The following PLXNA2 variants were observed in gnomAD, a reference collection of about 807,000 sequenced individuals.
PLXNA2 encodes plexin A2, also known as plexin-A2.
In PLXNA2, 91 loss-of-function variants were observed where a neutral mutation model predicts 193.5. The observed-to-expected ratio is 0.47, with a 90% CI of 0.40 to 0.56. The LOEUF is 0.56. Among genes scored for constraint, PLXNA2 ranks in the 20% least tolerant of loss-of-function variants. The pLI is 0.00. For synonymous variants in PLXNA2, 997 were observed against 1,027.3 expected (o/e 0.97, Z 0.56); for missense variants, 1,995 against 2,503.2 (o/e 0.80, Z 4.33).
At chr1:208,086,979 C>G (rs2498027) in intron 9 of PLXNA2, among the ~76,000 whole-genome samples, 13,447 of 65,090 alleles carry the variant, frequency 0.21, 691 homozygotes, top group Middle Eastern at 0.33. Flanking sequence ...CTCTCTCTCT[C>G]TGTGTGTGTG....
At chr1:208,094,035 C>G (rs1047560898) in intron 8 of PLXNA2, among the ~76,000 whole-genome samples, 1 of 152,174 alleles carries the variant, frequency 6.6e-6, no homozygotes, top group Admixed American at 6.5e-5. Context: ...GGTTGGTTAG[C>G]CCATTTACAC....
intron 4 of PLXNA2, among the ~76,000 whole-genome samples, chr1:208,111,069 A>T (rs1667457870): frequency 2.6e-5 from 4 of 151,930 alleles, no homozygotes; most frequent in Admixed American, 2.0e-4. Flanking sequence ...ATTTTTTTTT[A>T]AACGACAGTC....
chr1:208,193,850 T>C (rs903420492), intron 3 of PLXNA2, among the ~76,000 whole-genome samples: 19 of 145,856 alleles, frequency 1.3e-4, no homozygotes, highest in African/African-American at 4.7e-4. Flanking sequence ...CTATGTATGA[T>C]TGCACAACTG....
At chr1:208,241,547 G>T (rs949409493) in intron 1 of PLXNA2, among the ~76,000 whole-genome samples, 1 of 152,234 alleles carries the variant, frequency 6.6e-6, no homozygotes, top group African/African-American at 2.4e-5. Context: ...GACCAGCTGG[G>T]ATTTCCTTGG....
intron 3 of PLXNA2, among the ~76,000 whole-genome samples, chr1:208,204,792 C>T (rs1167419896): frequency 6.6e-6 from 1 of 152,176 alleles, no homozygotes; most frequent in East Asian, 1.9e-4. Flanking sequence ...ACCTTAACAG[C>T]TGCTCCCTTG....
chr1:208,233,686 C>G (rs564188642), intron 1 of PLXNA2, among the ~76,000 whole-genome samples: 2 of 152,252 alleles, frequency 1.3e-5, no homozygotes, highest in Non-Finnish European at 2.9e-5. Context: ...CTCTGCGCCT[C>G]CCAGCCAGCA....
intron 1 of PLXNA2, among the ~76,000 whole-genome samples, chr1:208,222,227 C>T: frequency 6.6e-6 from 1 of 152,164 alleles, no homozygotes; most frequent in Non-Finnish European, 1.5e-5. Context: ...TAGTGTCAAC[C>T]TCAGGAGTTT....
intron 4 of PLXNA2, among the ~76,000 whole-genome samples, chr1:208,134,952 A>G (rs904083852): frequency 6.6e-6 from 1 of 152,166 alleles, no homozygotes; most frequent in Non-Finnish European, 1.5e-5. Context: ...CCCATGTATC[A>G]CAATAGCACC....
intron 3 of PLXNA2, among the ~76,000 whole-genome samples, chr1:208,179,186 C>T (rs1000682181): frequency 6.6e-6 from 1 of 152,194 alleles, no homozygotes; most frequent in South Asian, 2.1e-4. Flanking sequence ...AACATGAAAG[C>T]CCAGAGGAAG....
At position 208,079,260 on chromosome 1, in the gene PLXNA2, C is replaced by G; in HGVS notation, c.2586G>C (p.Glu862Asp). 1.2e-6 allele frequency: 2 copies of G among 1,601,744 alleles called. No homozygotes were observed. Among genetic ancestry groups the G allele is most frequent in the Non-Finnish European group, 1.7e-6 (2 of 1,169,572 alleles). The change falls in exon 12 of 32, where the codon GAG becomes GAC. Residue 862 changes from glutamate to aspartate, a missense_variant and splice_region_variant. Glu to Asp is a conservative substitution (Grantham distance 45). Transcript: ENST00000367033. ...TGCTCTAGAGACTTGCAGGACTTACCTCGGTGATTTGAGGGTTGGAGCACT... is the reference window on the plus strand; with the variant it reads ...TGCTCTAGAGACTTGCAGGACTTACGTCGGTGATTTGAGGGTTGGAGCACT... ...NVKCSNPQIT[E>D]ILTVSGPPEG...
intron 4 of PLXNA2, among the ~76,000 whole-genome samples, chr1:208,131,184 C>T (rs1037259265): frequency 3.9e-5 from 6 of 152,184 alleles, no homozygotes; most frequent in African/African-American, 7.2e-5. Context: ...CTTCCAATTG[C>T]GCTTGTCTCC....
At chr1:208,089,636 C>G (rs377138957) in intron 9 of PLXNA2, among the ~76,000 whole-genome samples, 1 of 152,120 alleles carries the variant, frequency 6.6e-6, no homozygotes, top group East Asian at 1.9e-4. Flanking sequence ...TTGAGAACTC[C>G]TGGCACATGT....
chr1:208,206,525 G>T (rs566347297), intron 3 of PLXNA2, among the ~76,000 whole-genome samples: 1 of 152,252 alleles, frequency 6.6e-6, no homozygotes, highest in East Asian at 1.9e-4. Flanking sequence ...TACCTTCTCA[G>T]TGTGGCACCC....
intron 3 of PLXNA2, among the ~76,000 whole-genome samples, chr1:208,199,096 C>T (rs533517181): frequency 3.3e-5 from 5 of 152,278 alleles, no homozygotes; most frequent in South Asian, 2.1e-4. Flanking sequence ...AGAAGACTAA[C>T]GTGTAAGACT....
At chr1:208,148,700 G>T (rs1048848166) in intron 3 of PLXNA2, among the ~76,000 whole-genome samples, 9 of 152,194 alleles carry the variant, frequency 5.9e-5, no homozygotes, top group South Asian at 2.1e-4. Flanking sequence ...TGGACAATTT[G>T]TCTGGTCTTC....
At chr1:208,100,729 C>T (rs371132130) in intron 5 of PLXNA2, among the ~76,000 whole-genome samples, 44 of 152,196 alleles carry the variant, frequency 2.9e-4, no homozygotes, top group Non-Finnish European at 6.2e-4. Flanking sequence ...ACAGACAAGG[C>T]GCTGCAGCCA....
chr1:208,043,934 G>A (rs892039475), intron 20 of PLXNA2, among the ~76,000 whole-genome samples: 4 of 152,216 alleles, frequency 2.6e-5, no homozygotes, highest in African/African-American at 7.2e-5. Flanking sequence ...AGGTACACTC[G>A]TCACCTCGAG....
chr1:208,128,176 G>A (rs574204488), intron 4 of PLXNA2, among the ~76,000 whole-genome samples: 3 of 152,300 alleles, frequency 2.0e-5, no homozygotes, highest in South Asian at 4.1e-4. Context: ...CCCAGCTGAC[G>A]GCAGGAGCTG....
At position 208,038,485 on chromosome 1, in the gene PLXNA2, G is replaced by T; in HGVS notation, c.4661-11C>A. On this transcript the variant is annotated splice_polypyrimidine_tract_variant and intron_variant, in intron 25 of 31. Transcript: ENST00000367033. The surrounding 1 kb of genome is among the most constrained non-coding windows in gnomAD (Gnocchi z 4.1). ...GGCCTTGGCGCCACTCTGGGTGGAG[G>T]GGGTGGTGCAGGGAGCGGCGTGAGA... The T allele has an allele frequency of 6.2e-7, 1 of 1,607,186 alleles. No individual in the cohort carries two copies. The highest frequency in any genetic ancestry group is 2.2e-5 in the East Asian group (1 of 44,848).
Sources: allele counts gnomAD v4.1 joint callset (sites outside exome capture counted in the v4.1 genomes callset), GRCh38; gene constraint gnomAD v4.1.1; non-coding constraint Gnocchi (gnomAD v3.1); transcripts MANE v1.5; gene names NCBI Gene and HGNC (gene_info 2026-07-23, HGNC 2026-07-21).